Variants in KIF6 observed in about 807,000 individuals in gnomAD.
The protein encoded by KIF6 is kinesin-like protein KIF6.
A neutral mutation model predicts 112.7 loss-of-function variants in KIF6; 106 were observed. The observed-to-expected ratio is 0.94, with a 90% CI of 0.80 to 1.11. KIF6 has a LOEUF of 1.11. Among genes scored for constraint, KIF6 ranks in the 50% least tolerant of loss-of-function variants. The pLI, the probability that KIF6 is intolerant of heterozygous loss-of-function variation, is 0.00. For synonymous variants in KIF6, 339 were observed against 339.9 expected, an observed-to-expected ratio of 1.00 and a Z score of 0.03; for missense variants, 929 against 964.0, an observed-to-expected ratio of 0.96 and a Z score of 0.48.
At chr6:39,536,254 CA>C (rs1395356333) in intron 13 of KIF6, among the ~76,000 whole-genome samples, 3 of 151,240 alleles carry the variant, frequency 2.0e-5, no homozygotes, top group Non-Finnish European at 4.4e-5. Flanking sequence ...AAAAACCCTT[CA>C]AAAAATTAAT....
chr6:39,498,548 G>A (rs1165349218), intron 13 of KIF6, among the ~76,000 whole-genome samples: 1 of 151,972 alleles, frequency 6.6e-6, no homozygotes, highest in East Asian at 1.9e-4. Context: ...TTCCTTTGTG[G>A]GCCATATGGT....
chr6:39,439,714 C>T (rs1771793155), intron 13 of KIF6, among the ~76,000 whole-genome samples: 1 of 151,832 alleles, frequency 6.6e-6, no homozygotes, highest in African/African-American at 2.4e-5. Context: ...TTTTTTTCAA[C>T]CTGAAATTCA....
intron 6 of KIF6, among the ~76,000 whole-genome samples, chr6:39,612,688 A>G (rs1302189780): frequency 3.9e-5 from 6 of 152,238 alleles, no homozygotes. Context: ...CCTATGTTCA[A>G]TGCATTGTTC....
chr6:39,417,128 A>G (rs1453233132), intron 15 of KIF6, among the ~76,000 whole-genome samples: 4 of 152,206 alleles, frequency 2.6e-5, no homozygotes, highest in African/African-American at 4.8e-5. Flanking sequence ...GTGTCCTTCA[A>G]GGTTGCCTTG....
chr6:39,555,480 G>C (rs945985736), intron 10 of KIF6, among the ~76,000 whole-genome samples: 6 of 152,152 alleles, frequency 3.9e-5, no homozygotes, highest in African/African-American at 4.8e-5. Context: ...GTACTTGTAG[G>C]GGGTAGGAGT....
intron 15 of KIF6, among the ~76,000 whole-genome samples, chr6:39,398,776 T>A (rs928689323): frequency 9.2e-5 from 14 of 152,236 alleles, no homozygotes; most frequent in Non-Finnish European, 4.4e-5. Flanking sequence ...ATACAGTTTA[T>A]CTATGCCTAA....
intron 5 of KIF6, among the ~76,000 whole-genome samples, chr6:39,630,545 C>T (rs1270924032): frequency 6.6e-6 from 1 of 151,992 alleles, no homozygotes; most frequent in East Asian, 1.9e-4. Flanking sequence ...ATTCTGCAAC[C>T]TTGCCATAAT....
intron 13 of KIF6, among the ~76,000 whole-genome samples, chr6:39,508,212 C>T (rs150487515): frequency 4.5e-4 from 69 of 151,922 alleles, no homozygotes; most frequent in African/African-American, 1.6e-3. Flanking sequence ...GGGAGTTCTA[C>T]GTGCATTAAA....
At chr6:39,346,092 C>CT (rs1763737020) in intron 20 of KIF6, among the ~76,000 whole-genome samples, 2 of 48,134 alleles carry the variant, frequency 4.2e-5, no homozygotes, top group Non-Finnish European at 7.6e-5. Context: ...CTCTCCCCCC[C>CT]CTCTCCCTCC....
At chr6:39,410,805 T>C (rs1769422021) in intron 15 of KIF6, among the ~76,000 whole-genome samples, 1 of 152,198 alleles carries the variant, frequency 6.6e-6, no homozygotes, top group Non-Finnish European at 1.5e-5. Context: ...CTCCCTGAGA[T>C]AAAACCAAGA....
At chr6:39,501,373 A>G (rs867486052) in intron 13 of KIF6, among the ~76,000 whole-genome samples, 77 of 152,340 alleles carry the variant, frequency 5.1e-4, no homozygotes, top group African/African-American at 1.7e-3. Context: ...AAGATAAGAA[A>G]GAATCAACAC....
rs567680083 is a variant in KIF6 at position 39,351,732 on chromosome 6, C to A, written c.2181-5206G>T. On this transcript the variant is annotated intron_variant, in intron 19 of 22. Transcript: ENST00000287152. ...AGCAGGATATTGCTACCAGTAGAAG[C>A]TACCCAAGAGATCAGAAAAGAGGGT... is the stretch of plus-strand genomic sequence containing the variant. Among the ~76,000 whole-genome samples the A allele has an allele frequency of 4.6e-5, 7 of 152,294 alleles. No individual in the cohort carries two copies. The East Asian group carries it at 1.3e-3, about 29-fold the overall frequency.
At chr6:39,579,516 T>G (rs931444208) in intron 9 of KIF6, among the ~76,000 whole-genome samples, 4 of 152,114 alleles carry the variant, frequency 2.6e-5, no homozygotes, top group South Asian at 2.1e-4. Context: ...TTTCTCTCAA[T>G]CTCTGTCATG....
At chr6:39,691,587 G>A (rs1252152340) in intron 3 of KIF6, 4 of 152,122 alleles carry the variant, frequency 2.6e-5, no homozygotes, top group African/African-American at 7.2e-5. Flanking sequence ...CCATATAAAT[G>A]ACAATCTTAT....
intron 13 of KIF6, among the ~76,000 whole-genome samples, chr6:39,473,909 T>G (rs1348572781): frequency 6.6e-6 from 1 of 152,164 alleles, no homozygotes; most frequent in African/African-American, 2.4e-5. Flanking sequence ...CAATGAATAA[T>G]TTTCTCTGTA....
At position 39,417,690 on chromosome 6, in the gene KIF6, G is replaced by A. The variant is rs79762440; in HGVS notation, c.1810+2258C>T. On this transcript the variant is annotated intron_variant, in intron 15 of 22. Coordinates refer to ENST00000287152, the MANE Select transcript of KIF6 (RefSeq NM_145027.6). The stretch of plus-strand genomic sequence containing the variant: ...GCAAACTTGCTCCACCAACATACAC[G>A]ATTGCACCACAGTTATGGGGAATTT... Among the ~76,000 whole-genome samples the A allele has an allele frequency of 4.0e-4, 61 of 152,216 alleles. No individual in the cohort carries two copies. In the East Asian group the frequency reaches 0.01, roughly 26 times the overall value.
chr6:39,499,804 T>A (rs1776016646), intron 13 of KIF6, among the ~76,000 whole-genome samples: 1 of 152,198 alleles, frequency 6.6e-6, no homozygotes, highest in Non-Finnish European at 1.5e-5. Flanking sequence ...TAGGTGGTGA[T>A]GAGCTGAAGA....
chr6:39,344,822 T>C (rs1763582058), intron 21 of KIF6, among the ~76,000 whole-genome samples: 1 of 152,100 alleles, frequency 6.6e-6, no homozygotes, highest in African/African-American at 2.4e-5. Context: ...CTGTCTCTCC[T>C]TAAAAACAGA....
intron 8 of KIF6, among the ~76,000 whole-genome samples, chr6:39,585,345 T>G (rs1781567126): frequency 1.3e-5 from 2 of 152,158 alleles, no homozygotes; most frequent in Non-Finnish European, 2.9e-5. Flanking sequence ...CACGCTCTTA[T>G]GAGAATCTAA....
Sources: gnomAD v4.1 joint callset for allele counts (sites outside exome capture counted in the v4.1 genomes callset) on GRCh38, gnomAD v4.1.1 for gene constraint, MANE v1.5 for transcripts, NCBI Gene and HGNC (gene_info 2026-07-23, HGNC 2026-07-21) for gene names.